EOGT: variants seen among roughly 807,000 people sequenced by gnomAD.
EOGT encodes EGF domain specific O-linked N-acetylglucosamine transferase.
In EOGT, 55 loss-of-function variants were observed where a neutral mutation model predicts 70.5. That is an observed-to-expected ratio of 0.78 (90% CI 0.63 to 0.98). EOGT has a LOEUF of 0.98. Among genes scored for constraint, EOGT ranks in the 50% least tolerant of loss-of-function variants. EOGT has a pLI of 0.00. For missense variants in EOGT, 703 were observed against 641.9 expected (o/e 1.10, Z -1.03); for synonymous variants, 246 against 217.1 (o/e 1.13, Z -1.17).
Position 69,005,201 on chromosome 3 carries a change from G to A in EOGT, c.454C>T (p.Gln152Ter). Reference sequence around the variant, plus strand: ...TAGAGATTGGTTGCTCTGCAGTACTGAAGATAACGGGAACACACCAGACTT... The same window carrying A: ...TAGAGATTGGTTGCTCTGCAGTACTAAAGATAACGGGAACACACCAGACTT... ...DSSLVCSRYLQYCRATNLYLD... is the reference protein window; with the variant it reads ...DSSLVCSRYL Residue 152 changes from glutamine to a stop codon, truncating the protein, a stop_gained, in exon 7 of 18, where the codon CAG (glutamine) becomes TAG (stop). Transcript: ENST00000383701. LOFTEE classifies it high-confidence loss of function. The A allele has an allele frequency of 6.2e-7, 1 of 1,605,172 alleles. No individual in the cohort carries two copies. Among genetic ancestry groups the A allele is most frequent in the East Asian group, 2.2e-5 (1 of 44,798 alleles).
At chr3:68,985,084 G>A (rs1020262259) in intron 14 of EOGT, among the ~76,000 whole-genome samples, 2 of 152,082 alleles carry the variant, frequency 1.3e-5, no homozygotes, top group Non-Finnish European at 2.9e-5. Context: ...GGGAGGGTTG[G>A]GGGGCACAAT....
chr3:68,994,815 A>C (rs751603531), intron 10 of EOGT, among the ~76,000 whole-genome samples: 2 of 152,160 alleles, frequency 1.3e-5, no homozygotes, highest in Non-Finnish European at 2.9e-5. Context: ...AAAAGTAATC[A>C]TAAAGCTATA....
intron 6 of EOGT, among the ~76,000 whole-genome samples, chr3:69,006,885 T>C (rs9875547): frequency 0.47 from 71,115 of 152,110 alleles, 17,202 homozygotes; most frequent in Admixed American, 0.53. Context: ...CTTGGAGAAG[T>C]TGCTTAACTC....
intron 3 of EOGT, among the ~76,000 whole-genome samples, chr3:69,010,930 G>A (rs2091559302): frequency 6.6e-6 from 1 of 152,190 alleles, no homozygotes; most frequent in Non-Finnish European, 1.5e-5. Flanking sequence ...CATTGCCCTT[G>A]TGAAGCTTAC....
intron 9 of EOGT, 74 bp from the exon 10 acceptor site, chr3:68,998,188 T>A (rs2091203829): frequency 1.3e-6 from 1 of 792,160 alleles, no homozygotes; most frequent in Non-Finnish European, 2.1e-6. Context: ...TTCTATCCCA[T>A]CTATTTACAG....
intron 14 of EOGT, among the ~76,000 whole-genome samples, chr3:68,984,646 A>C (rs985754526): frequency 6.6e-5 from 10 of 152,260 alleles, no homozygotes; most frequent in African/African-American, 2.2e-4. Flanking sequence ...CTCAAGAAAG[A>C]AGCAGCCAGT....
chr3:69,004,454 C>T lies in EOGT; in HGVS notation c.544G>A (p.Glu182Lys), dbSNP rs1333074407. Residue 182 changes from glutamate (E) to lysine (K), a missense_variant, in exon 8 of 18, where the codon GAA (glutamate) becomes AAA (lysine). Physicochemically the swap from Glu to Lys is moderately conservative, Grantham distance 56. Coordinates refer to ENST00000383701, the MANE Select transcript of EOGT (RefSeq NM_001278689.2). ...RFKEDFFQSG[E>K]IGGHCKLDIR... ...TCAAGTTTACAGTGCCCTCCAATTTCACCACTCTGGAAAAAGTCCTCCTTA... is the reference window on the plus strand; with the variant it reads ...TCAAGTTTACAGTGCCCTCCAATTTTACCACTCTGGAAAAAGTCCTCCTTA... 1.5e-5 allele frequency: 25 copies of T among 1,614,010 alleles called. No individual in the cohort carries two copies. The highest frequency in any genetic ancestry group is 1.9e-5 in the Non-Finnish European group (23 of 1,179,878).
chr3:69,010,617 T>A (rs1488801266), intron 3 of EOGT, among the ~76,000 whole-genome samples: 1 of 152,180 alleles, frequency 6.6e-6, no homozygotes, highest in African/African-American at 2.4e-5. Flanking sequence ...AATGAGTTAG[T>A]TATTGGTAAA....
At chr3:69,005,000 T>C in intron 7 of EOGT, 140 bp downstream of exon 7, 1 of 577,828 alleles carries the variant, frequency 1.7e-6, no homozygotes, top group Middle Eastern at 4.4e-4. Context: ...AGGTCACAGC[T>C]GCACTGAGCC....
At chr3:69,006,490 T>C (rs997719160) in intron 6 of EOGT, among the ~76,000 whole-genome samples, 2 of 152,226 alleles carry the variant, frequency 1.3e-5, no homozygotes, top group Admixed American at 6.5e-5. Flanking sequence ...TTCAGGATCA[T>C]TGAACAGTGT....
At chr3:68,979,365 G>A (rs1241612668) in intron 16 of EOGT, among the ~76,000 whole-genome samples, 3 of 152,162 alleles carry the variant, frequency 2.0e-5, no homozygotes, top group Non-Finnish European at 4.4e-5. Context: ...TTTGCAAGAA[G>A]ACGCTCAGAG....
chr3:68,979,368 G>T (rs565465426), intron 16 of EOGT, among the ~76,000 whole-genome samples: 8 of 152,134 alleles, frequency 5.3e-5, no homozygotes, highest in African/African-American at 1.9e-4. Flanking sequence ...GCAAGAAGAC[G>T]CTCAGAGTTT....
intron 11 of EOGT, 130 bp from the exon 12 acceptor site, chr3:68,988,707 T>C: frequency 1.5e-6 from 1 of 667,024 alleles, no homozygotes; most frequent in Non-Finnish European, 2.5e-6. Flanking sequence ...ACTATTTCAT[T>C]CAAAGAGAAC....
chr3:69,004,705 C>A (rs1165523247), intron 7 of EOGT, among the ~76,000 whole-genome samples: 1 of 152,062 alleles, frequency 6.6e-6, no homozygotes, highest in Admixed American at 6.6e-5. Context: ...CATGGCCTGT[C>A]TGAGTCATCC....
chr3:69,001,247 C>G (rs957604256), intron 9 of EOGT, among the ~76,000 whole-genome samples: 1 of 151,936 alleles, frequency 6.6e-6, no homozygotes, highest in Admixed American at 6.6e-5. Flanking sequence ...TGTGAGCCAC[C>G]GCGCCCGGCT....
chr3:68,992,769 G>T (rs943130499), intron 10 of EOGT, among the ~76,000 whole-genome samples: 4 of 152,226 alleles, frequency 2.6e-5, no homozygotes, highest in African/African-American at 9.6e-5. Context: ...ACTTCTGCCA[G>T]GGCATCTAGG....
intron 10 of EOGT, among the ~76,000 whole-genome samples, chr3:68,990,094 C>T (rs1345782604): frequency 6.6e-6 from 1 of 152,096 alleles, no homozygotes; most frequent in Non-Finnish European, 1.5e-5. Context: ...TTACATACTT[C>T]CTATGTTCCA....
chr3:68,994,960 G>A (rs949790291), intron 10 of EOGT, among the ~76,000 whole-genome samples: 1 of 152,140 alleles, frequency 6.6e-6, no homozygotes, highest in Non-Finnish European at 1.5e-5. Context: ...TTGCAGGTTG[G>A]TGGCCTTGCC....
intron 14 of EOGT, among the ~76,000 whole-genome samples, chr3:68,984,765 A>G (rs1015515750): frequency 1.3e-5 from 2 of 150,268 alleles, no homozygotes; most frequent in East Asian, 3.9e-4. Context: ...CACATGCACT[A>G]AAGCATCTAC....
Sources: gnomAD v4.1 joint callset for allele counts (sites outside exome capture counted in the v4.1 genomes callset) on GRCh38, gnomAD v4.1.1 for gene constraint, MANE v1.5 for transcripts, NCBI Gene and HGNC (gene_info 2026-07-23, HGNC 2026-07-21) for gene names.